IL17RA: variants seen among roughly 807,000 people sequenced by gnomAD.
IL17RA encodes the protein interleukin-17 receptor A.
A neutral mutation model predicts 50.4 loss-of-function variants in IL17RA; 34 were observed. That is an observed-to-expected ratio of 0.67 (90% CI 0.51 to 0.90). The LOEUF (loss-of-function observed/expected upper bound fraction) is 0.90. Ranked by LOEUF, IL17RA falls within the 40% of genes least tolerant of loss-of-function variation. The pLI, the probability that IL17RA is intolerant of heterozygous loss-of-function variation, is 0.00. For synonymous variants in IL17RA, 585 were observed against 510.4 expected, an observed-to-expected ratio of 1.15 and a Z score of -1.97; for missense variants, 1,276 against 1,169.8, an observed-to-expected ratio of 1.09 and a Z score of -1.32.
intron 11 of IL17RA, among the ~76,000 whole-genome samples, chr22:17,107,284 T>C (rs2061418303): frequency 1.3e-5 from 2 of 151,928 alleles, no homozygotes; most frequent in South Asian, 4.2e-4. Context: ...CAGTTTGGGG[T>C]GGCCAAATTT....
intron 1 of IL17RA, among the ~76,000 whole-genome samples, chr22:17,090,613 G>A (rs1325827173): frequency 1.3e-5 from 2 of 152,112 alleles, no homozygotes; most frequent in Non-Finnish European, 2.9e-5. Context: ...CATGCTTATA[G>A]TGTTAATTCA....
At chr22:17,104,649 TCA>T in intron 8 of IL17RA, 75 bp from the exon 9 acceptor site, 1 of 1,328,364 alleles carries the variant, frequency 7.5e-7, no homozygotes. Context: ...TCCCCTCCTC[TCA>T]CATTGCCGCT....
Position 17,102,314 on chromosome 22 carries a change from C to G in IL17RA, c.762+12C>G. 6.2e-7 allele frequency: 1 copy of G among 1,614,090 alleles called. No homozygotes were observed. Among genetic ancestry groups the G allele is most frequent in the African/African-American group, 1.3e-5 (1 of 75,058 alleles). ...ACCACATACCTGCGGTAACTCTGCT[C>G]TTTTTGACCCCTCTAGCATAGCTCA... On this transcript the variant is annotated intron_variant, in intron 7 of 12. Transcript: ENST00000319363.
intron 1 of IL17RA, 24 bp from the exon 2 acceptor site, chr22:17,097,038 A>G (rs2061370817): frequency 6.2e-7 from 1 of 1,612,022 alleles, no homozygotes; most frequent in Non-Finnish European, 8.5e-7. Context: ...CCCAGCTGTA[A>G]TAACCACCCT....
At chr22:17,097,553 A>G in intron 2 of IL17RA, 1 of 585,270 alleles carries the variant, frequency 1.7e-6, no homozygotes, top group Non-Finnish European at 3.0e-6. Context: ...TTCTTCTCAA[A>G]ATCAACTTGT....
Position 17,110,229 on chromosome 22 carries a change from G to A in IL17RA, c.*409G>A, listed in dbSNP as rs2061435391. The A allele has an allele frequency of 6.9e-6, 2 of 290,434 alleles. No homozygotes were observed. The highest frequency in any genetic ancestry group is 5.1e-5 in the Admixed American group (1 of 19,638). The allele number at this position is 290,434 out of a possible 1,614,324, so 18.0% of individuals were successfully genotyped here. On this transcript the variant is annotated 3_prime_UTR_variant, in exon 13 of 13. Coordinates refer to ENST00000319363, the MANE Select transcript of IL17RA (RefSeq NM_014339.7). ...ACGAACAGGATGGGCCGGGCACGGTGGCTCACGCCTGTAATCCCAGCACAC... is the reference window on the plus strand; with the variant it reads ...ACGAACAGGATGGGCCGGGCACGGTAGCTCACGCCTGTAATCCCAGCACAC...
At position 17,102,085 on chromosome 22, in the gene IL17RA, A is replaced by G. The variant is rs1335330798; in HGVS notation, c.598+42A>G. On this transcript the variant is annotated intron_variant, in intron 6 of 12. Coordinates refer to ENST00000319363, the MANE Select transcript of IL17RA (RefSeq NM_014339.7). ...GAGAGCTTTATTTGGATGCATACAC[A>G]TGCACATGTGCGTGCCCCTCCTCAC... is the stretch of plus-strand genomic sequence containing the variant. 6 of 1,611,970 alleles carry G rather than the reference A, an allele frequency of 3.7e-6. No homozygotes were observed. The African/African-American group carries it at 4.1e-5, about 11-fold the overall frequency.
Position 17,111,735 on chromosome 22 carries a change from T to C in IL17RA, c.*1915T>C, listed in dbSNP as rs1568925484. ...AAACAGGACAGTTTGCATGTGTGTG[T>C]GCGCACACATACATGTGCGTGAAAG... is the stretch of plus-strand genomic sequence containing the variant. On this transcript the variant is annotated 3_prime_UTR_variant, in exon 13 of 13. Transcript: ENST00000319363. 6.6e-6 allele frequency: 1 copy of C among 152,200 alleles called. No individual in the cohort carries two copies. Among genetic ancestry groups the C allele is most frequent in the East Asian group, 1.9e-4 (1 of 5,186 alleles). The allele number at this position is 152,200 out of a possible 1,614,324, so 9.4% of individuals were successfully genotyped here.
In IL17RA at chr22:17,098,855, T is replaced by C. The variant is rs1430226715; in HGVS notation, c.391T>C (p.Phe131Leu). The change falls in exon 4 of 13, where the codon TTT becomes CTT. Residue 131 changes from phenylalanine (F) to leucine (L), a missense_variant. Physicochemically the swap from Phe to Leu is conservative, Grantham distance 22. Transcript: ENST00000319363. ...TNERLCVRFE[F>L]LSKLRHHHRR... ...TGAACGTTTGTGCGTCAGGTTTGAG[T>C]TTCTGTCCAAACTGAGGCATCACCA... is the stretch of plus-strand genomic sequence containing the variant. 1.2e-6 allele frequency: 2 copies of C among 1,614,168 alleles called. 1 individual carries two copies. Among genetic ancestry groups the C allele is most frequent in the South Asian group, 2.2e-5 (2 of 91,080 alleles).
chr22:17,094,672 T>TCTCTCTCTCTCTCTCC (rs2061360612), intron 1 of IL17RA, among the ~76,000 whole-genome samples: 2 of 54,446 alleles, frequency 3.7e-5, no homozygotes, highest in African/African-American at 8.8e-5. Context: ...TCTCTCTCTC[T>TCTCTCTCTCTCTCTCC]CTCTCTCTCT....
chr22:17,109,153 C>A lies in IL17RA; in HGVS notation c.1934C>A (p.Ala645Glu). The stretch of plus-strand genomic sequence containing the variant: ...CCGCTGGTCGGGGAGGAAGGAGGAG[C>A]AGCAGTGGCAAAGCTGGAACCTCAC... Reference protein sequence around the residue: ...IDPLVGEEGGAAVAKLEPHLQ... With the variant: ...IDPLVGEEGGEAVAKLEPHLQ... Residue 645 changes from alanine to glutamate, a missense_variant, in exon 13 of 13, where the codon GCA becomes GAA. Ala to Glu is a moderately radical substitution (Grantham distance 107). Coordinates refer to ENST00000319363, the MANE Select transcript of IL17RA (RefSeq NM_014339.7). 1 of 1,533,850 alleles carries A rather than the reference C, an allele frequency of 6.5e-7. No homozygotes were observed. Among genetic ancestry groups the A allele is most frequent in the African/African-American group, 1.4e-5 (1 of 73,186 alleles).
In IL17RA at chr22:17,109,064, C is replaced by T. The variant is rs749589459; in HGVS notation, c.1845C>T (p.Thr615=). 28 of 1,586,090 alleles carry T rather than the reference C, an allele frequency of 1.8e-5. No individual in the cohort carries two copies. The highest frequency in any genetic ancestry group is 1.7e-4 in the Middle Eastern group (1 of 5,778). The part of the protein sequence containing the change: ...VFEEPLLPPG[T]GIVKRAPLVR... ...AGGAGCCACTGCTGCCTCCGGGAAC[C>T]GGCATCGTGAAGCGGGCGCCCCTGG... Residue 615 remains threonine, a synonymous_variant, in exon 13 of 13, where the codon ACC becomes ACT. Coordinates refer to ENST00000319363, the MANE Select transcript of IL17RA (RefSeq NM_014339.7).
intron 9 of IL17RA, 137 bp downstream of exon 9, chr22:17,104,947 T>C (rs2061408212): frequency 2.5e-6 from 2 of 812,128 alleles, no homozygotes; most frequent in African/African-American, 1.7e-5. Flanking sequence ...CCTTCAGGCC[T>C]GAAGTGTGGA....
chr22:17,105,801 G>C, intron 10 of IL17RA, 52 bp from the exon 11 acceptor site: 1 of 1,526,900 alleles, frequency 6.5e-7, no homozygotes, highest in East Asian at 2.3e-5. Flanking sequence ...GGGGCCTCAG[G>C]GTGGGCAGGG....
Position 17,113,440 on chromosome 22 carries a change from GC to G in IL17RA, c.*3623del, listed in dbSNP as rs1405930860. The G allele has an allele frequency of 1.3e-5, 2 of 152,258 alleles. No individual in the cohort carries two copies. The highest frequency in any genetic ancestry group is 1.9e-4 in the East Asian group (1 of 5,200). 9.4% of individuals were successfully genotyped at this position (152,258 alleles called of 1,614,324 possible). A position where few individuals can be genotyped will look rare whatever the true frequency, so the allele number is the denominator to read the frequency against. On this transcript the variant is annotated 3_prime_UTR_variant, in exon 13 of 13. Transcript: ENST00000319363. ...ACGAACTCCTGGGCTCAAGCCATCT[GC>G]CCGCCTCATCCTCCCAAAGTGCTGG...
In IL17RA at chr22:17,109,016, G is replaced by A; in HGVS notation, c.1797G>A (p.Pro599=). Residue 599 remains proline, a synonymous_variant, in exon 13 of 13, where the codon CCG becomes CCA. Coordinates refer to ENST00000319363, the MANE Select transcript of IL17RA (RefSeq NM_014339.7). ...ACTCAGCAGATGACCAGGATGCCCC[G>A]TCCCTGGACGAAGAGGTGTTTGAGG... is the stretch of plus-strand genomic sequence containing the variant. The part of the protein sequence containing the change: ...NLYSADDQDA[P]SLDEEVFEEP... The A allele has an allele frequency of 3.8e-6, 6 of 1,597,970 alleles. No individual in the cohort carries two copies. The highest frequency in any genetic ancestry group is 5.1e-6 in the Non-Finnish European group (6 of 1,178,616).
At chr22:17,098,503 G>A (rs2061377077) in intron 3 of IL17RA, among the ~76,000 whole-genome samples, 1 of 152,224 alleles carries the variant, frequency 6.6e-6, no homozygotes, top group Admixed American at 6.5e-5. Flanking sequence ...ACCCATGCCA[G>A]ATTGTCAAAG....
chr22:17,103,396 C>A, intron 7 of IL17RA, 98 bp from the exon 8 acceptor site: 1 of 934,650 alleles, frequency 1.1e-6, no homozygotes, highest in African/African-American at 1.6e-5. Context: ...CTAAGGGGTG[C>A]TCTGGACAGC....
chr22:17,108,316 C>G lies in IL17RA; in HGVS notation c.1097C>G (p.Pro366Arg). ...GGTCTTGTTTCCTTAGATGGCCTGC[C>G]TGCGGCTGACCTGATCCCCCCACCG... ...SDDTKYTDGL[P>R]AADLIPPPLK... Residue 366 changes from proline (P) to arginine (R), a missense_variant, in exon 13 of 13, where the codon CCT becomes CGT. By Grantham distance (103) the Pro-to-Arg change is moderately radical. Coordinates refer to ENST00000319363, the MANE Select transcript of IL17RA (RefSeq NM_014339.7). 2 of 1,614,112 alleles carry G rather than the reference C, an allele frequency of 1.2e-6. No homozygotes were observed. Among genetic ancestry groups the G allele is most frequent in the Non-Finnish European group, 1.7e-6 (2 of 1,180,018 alleles).
Sources: allele counts gnomAD v4.1 joint callset (sites outside exome capture counted in the v4.1 genomes callset), GRCh38; gene constraint gnomAD v4.1.1; transcripts MANE v1.5; gene names NCBI Gene and HGNC (gene_info 2026-07-23, HGNC 2026-07-21).